The following MTMR2 variants were observed in gnomAD, a reference collection of about 807,000 sequenced individuals.
MTMR2 encodes myotubularin related protein 2.
Under a neutral mutation model 86.9 loss-of-function variants are expected in MTMR2, and 55 were observed. That is an observed-to-expected ratio of 0.63 (90% confidence interval 0.51 to 0.79). MTMR2 has a LOEUF of 0.79. Among genes scored for constraint, MTMR2 ranks in the 30% least tolerant of loss-of-function variants. MTMR2 has a pLI of 0.00. For missense variants in MTMR2, 659 were observed against 772.3 expected, an observed-to-expected ratio of 0.85 and a Z score of 1.74; for synonymous variants, 241 against 266.8, an observed-to-expected ratio of 0.90 and a Z score of 0.94.
At chr11:95,876,442 C>T (rs1865116785) in intron 2 of MTMR2, among the ~76,000 whole-genome samples, 2 of 152,164 alleles carry the variant, frequency 1.3e-5, no homozygotes, top group Admixed American at 1.3e-4. Flanking sequence ...AGCACTTTCT[C>T]TTATTGGGTC....
chr11:95,913,596 G>C (rs1360542038), intron 1 of MTMR2, among the ~76,000 whole-genome samples: 1 of 152,100 alleles, frequency 6.6e-6, no homozygotes. Context: ...AGCCACAGTT[G>C]AAAAACACTA....
chr11:95,878,134 C>T (rs1865191234), intron 2 of MTMR2, among the ~76,000 whole-genome samples: 1 of 148,660 alleles, frequency 6.7e-6, no homozygotes, highest in Non-Finnish European at 1.5e-5. Flanking sequence ...GCTATCAAGC[C>T]ATGGAAAGAC....
chr11:95,889,720 T>G (rs1049356875), intron 1 of MTMR2, among the ~76,000 whole-genome samples: 2 of 152,194 alleles, frequency 1.3e-5, no homozygotes, highest in African/African-American at 2.4e-5. Flanking sequence ...ACATGTATTA[T>G]GTTTGTTAAA....
chr11:95,866,947 GAAAATT>G (rs1474152804), intron 2 of MTMR2, among the ~76,000 whole-genome samples: 1 of 151,794 alleles, frequency 6.6e-6, no homozygotes, highest in African/African-American at 2.4e-5. Context: ...AGGTTGTTAT[GAAAATT>G]AAATGGGTTA....
chr11:95,921,371 G>T (rs1010660932), intron 1 of MTMR2, among the ~76,000 whole-genome samples: 11 of 152,064 alleles, frequency 7.2e-5, no homozygotes, highest in African/African-American at 2.4e-4. Flanking sequence ...ACAATTTAAG[G>T]GAATCATTTC....
chr11:95,856,131 C>T (rs1377227525), intron 7 of MTMR2, among the ~76,000 whole-genome samples: 1 of 151,930 alleles, frequency 6.6e-6, no homozygotes, highest in Non-Finnish European at 1.5e-5. Flanking sequence ...CTTAAAAAAA[C>T]AATACCCACA....
chr11:95,889,132 AC>A (rs1398219757), intron 1 of MTMR2, among the ~76,000 whole-genome samples: 1 of 135,634 alleles, frequency 7.4e-6, no homozygotes, highest in Non-Finnish European at 1.7e-5. Context: ...TTCCTATAGA[AC>A]TTTTTTTTTT....
At chr11:95,838,750 T>G (rs1234478696) in intron 12 of MTMR2, among the ~76,000 whole-genome samples, 5 of 151,996 alleles carry the variant, frequency 3.3e-5, no homozygotes, top group African/African-American at 1.2e-4. Flanking sequence ...ATCCATCCCA[T>G]CAAACCAGAG....
chr11:95,888,201 T>G lies in MTMR2; in HGVS notation c.141A>C (p.Ser47=). The change falls in exon 2 of 15, where the codon TCA becomes TCC. Residue 47 remains serine, a synonymous_variant. Transcript: ENST00000346299. ...TGTCGGCAGAAGTTGAAATGGAATC[T>G]GATGATACAACAGAAGCTGATTTTG... is the stretch of plus-strand genomic sequence containing the variant. ...VHTKSASVVS[S]DSISTSADNF... is the part of the protein sequence containing the mutation. The G allele has an allele frequency of 1.2e-6, 2 of 1,613,634 alleles. No homozygotes were observed. The highest frequency in any genetic ancestry group is 2.2e-5 in the South Asian group (2 of 91,064).
chr11:95,912,078 C>A (rs1866527570), intron 1 of MTMR2, among the ~76,000 whole-genome samples: 1 of 103,594 alleles, frequency 9.7e-6, no homozygotes, highest in African/African-American at 3.4e-5. Flanking sequence ...ATGAAGTTAA[C>A]ACAGGTGGGT....
intron 2 of MTMR2, among the ~76,000 whole-genome samples, chr11:95,873,262 T>C (rs1297104959): frequency 6.6e-6 from 1 of 152,224 alleles, no homozygotes; most frequent in Non-Finnish European, 1.5e-5. Flanking sequence ...TGGTAAGCTA[T>C]TAATTATTGC....
At chr11:95,866,605 A>G (rs1864628237) in intron 2 of MTMR2, 1 of 151,398 alleles carries the variant, frequency 6.6e-6, no homozygotes, top group South Asian at 2.1e-4. Context: ...AAGAAATAGT[A>G]TATACACACA....
chr11:95,905,373 C>T (rs932203018), intron 1 of MTMR2, among the ~76,000 whole-genome samples: 2 of 149,396 alleles, frequency 1.3e-5, no homozygotes, highest in African/African-American at 4.9e-5. Flanking sequence ...ACACACAACA[C>T]AACACATACC....
At chr11:95,903,607 A>G (rs1002771996) in intron 1 of MTMR2, among the ~76,000 whole-genome samples, 2 of 152,180 alleles carry the variant, frequency 1.3e-5, no homozygotes, top group African/African-American at 4.8e-5. Context: ...TCATTCTGCT[A>G]GATTACTATT....
chr11:95,882,959 G>T (rs1255672835), intron 2 of MTMR2, among the ~76,000 whole-genome samples: 2 of 140,230 alleles, frequency 1.4e-5, no homozygotes, highest in African/African-American at 5.5e-5. Context: ...TGTTAGCCAG[G>T]ATGGTCTCGA....
chr11:95,922,560 G>GAAA (rs1175974370), intron 1 of MTMR2, among the ~76,000 whole-genome samples: 12 of 139,072 alleles, frequency 8.6e-5, no homozygotes, highest in African/African-American at 2.1e-4. Flanking sequence ...CTACAAATTC[G>GAAA]AAAAAAAAAA....
At chr11:95,874,750 G>C (rs2135512965) in intron 2 of MTMR2, among the ~76,000 whole-genome samples, 1 of 152,276 alleles carries the variant, frequency 6.6e-6, no homozygotes, top group African/African-American at 2.4e-5. Context: ...TCCTTTCCCT[G>C]TTTAGTGTTT....
chr11:95,868,299 A>G (rs1555066763), intron 2 of MTMR2, among the ~76,000 whole-genome samples: 15 of 84,540 alleles, frequency 1.8e-4, no homozygotes, highest in East Asian at 3.3e-4. Context: ...AAAAAAAAAA[A>G]AAGAAAGAAA....
At chr11:95,852,825 G>T (rs1052425953) in intron 7 of MTMR2, among the ~76,000 whole-genome samples, 1 of 152,096 alleles carries the variant, frequency 6.6e-6, no homozygotes, top group Non-Finnish European at 1.5e-5. Flanking sequence ...ATCACTAGAA[G>T]TCAGGAGTTC....
Sources: gnomAD v4.1 joint callset for allele counts (sites outside exome capture counted in the v4.1 genomes callset) on GRCh38, gnomAD v4.1.1 for gene constraint, MANE v1.5 for transcripts, NCBI Gene and HGNC (gene_info 2026-07-23, HGNC 2026-07-21) for gene names.